GOLGA2: variants seen among roughly 807,000 people sequenced by gnomAD.
GOLGA2 encodes golgin subfamily A member 2.
Under a neutral mutation model 148.8 loss-of-function variants are expected in GOLGA2, and 49 were observed. The observed-to-expected ratio is 0.33, with a 90% CI of 0.26 to 0.42. GOLGA2 has a LOEUF of 0.42. GOLGA2 is among the 10% of genes least tolerant of loss of function. The pLI is 1.00. For synonymous variants in GOLGA2, 501 were observed against 511.8 expected (o/e 0.98, Z 0.28); for missense variants, 1,178 against 1,304.6 (o/e 0.90, Z 1.49).
rs201715961 is a variant in GOLGA2, at chr9:128,272,037, A to AT, written c.288+747dup. ...CCTACTCTTAAACCAAAGTGAATTAATTTAAAAAAAAAAAAAAAACACTAA... is the reference window on the plus strand; with the variant it reads ...CCTACTCTTAAACCAAAGTGAATTAATTTTAAAAAAAAAAAAAAAACACTAA... On this transcript the variant is annotated intron_variant, in intron 3 of 26. Transcript: ENST00000611957. Among the ~76,000 whole-genome samples, 5 of 144,342 alleles carry AT rather than the reference A, an allele frequency of 3.5e-5. No homozygotes were observed. In the East Asian group the frequency reaches 7.2e-4, roughly 21 times the overall value. 94.7% of individuals were successfully genotyped at this position (144,342 alleles called of 152,430 possible). A position where few individuals can be genotyped will look rare whatever the true frequency, so the allele number is the denominator to read the frequency against.
chr9:128,265,436 T>C, intron 12 of GOLGA2, 149 bp downstream of exon 12: 1 of 729,832 alleles, frequency 1.4e-6, no homozygotes. Context: ...AGCCCCAGGA[T>C]GCCTCTAGCA....
Position 128,261,329 on chromosome 9 carries a change from G to A in GOLGA2, c.1333-70C>T. ...GCTGGACAGGCTACCATCTCCCTCT[G>A]CCCCCACCGCCACAAAGCCCAGACC... On this transcript the variant is annotated intron_variant, in intron 16 of 26. Transcript: ENST00000611957. This position sits in a 1 kb window ranked among gnomAD's most constrained non-coding sequence, Gnocchi z 5.7. 7.6e-7 allele frequency: 1 copy of A among 1,323,554 alleles called. No homozygotes were observed. The highest frequency in any genetic ancestry group is 1.1e-6 in the Non-Finnish European group (1 of 916,764). The allele number at this position is 1,323,554 out of a possible 1,614,324, so 82.0% of individuals were successfully genotyped here.
chr9:128,257,519 G>C lies in GOLGA2; in HGVS notation c.2725C>G (p.Leu909Val). 6.2e-7 allele frequency: 1 copy of C among 1,614,064 alleles called. No homozygotes were observed. The highest frequency in any genetic ancestry group is 8.5e-7 in the Non-Finnish European group (1 of 1,180,028). Reference protein sequence around the residue: ...AQDKEEMKVKLLELQELVLRL... With the variant: ...AQDKEEMKVKVLELQELVLRL... The stretch of plus-strand genomic sequence containing the variant: ...AAGACCAGCTCCTGCAGCTCCAGCA[G>C]CTTCACCTGGAGGGAGGGGTGCTAA... The change falls in exon 26 of 27, where the codon CTG becomes GTG. Residue 909 changes from leucine (L) to valine (V), a missense_variant. By Grantham distance (32) the Leu-to-Val change is conservative. Coordinates refer to ENST00000611957, the MANE Select transcript of GOLGA2 (RefSeq NM_001366244.2). This position sits in a 1 kb window ranked among gnomAD's most constrained non-coding sequence, Gnocchi z 8.0.
chr9:128,261,154 A>C lies in GOLGA2; in HGVS notation c.1420+18T>G. The C allele has an allele frequency of 6.4e-7, 1 of 1,566,900 alleles. No individual in the cohort carries two copies. Among genetic ancestry groups the C allele is most frequent in the Non-Finnish European group, 8.8e-7 (1 of 1,137,270 alleles). On this transcript the variant is annotated intron_variant, in intron 17 of 26. Coordinates refer to ENST00000611957, the MANE Select transcript of GOLGA2 (RefSeq NM_001366244.2). This position sits in a 1 kb window ranked among gnomAD's most constrained non-coding sequence, Gnocchi z 5.7. The stretch of plus-strand genomic sequence containing the variant: ...CTGACACCATTCCTGCTCCCAGGTC[A>C]CCCCAGCCCCAGCTTACCCATCTGG...
rs749144673 is a variant in GOLGA2 at position 128,258,233 on chromosome 9, T to A, written c.2290-35A>T. On this transcript the variant is annotated intron_variant, in intron 22 of 26. Transcript: ENST00000611957. This position sits in a 1 kb window ranked among gnomAD's most constrained non-coding sequence, Gnocchi z 6.6. ...AGAGGGGTGCATTCTTGTAGGAGGATATATAGGATGAACAGGGCAGGGAGG... is the reference window on the plus strand; with the variant it reads ...AGAGGGGTGCATTCTTGTAGGAGGAAATATAGGATGAACAGGGCAGGGAGG... 1 of 1,491,280 alleles carries A rather than the reference T, an allele frequency of 6.7e-7. No homozygotes were observed. The highest frequency in any genetic ancestry group is 1.2e-5 in the South Asian group (1 of 83,682). The allele number at this position is 1,491,280 out of a possible 1,614,324, so 92.4% of individuals were successfully genotyped here.
At chr9:128,273,370 CA>C (rs1175612752) in intron 2 of GOLGA2, among the ~76,000 whole-genome samples, 15 of 152,186 alleles carry the variant, frequency 9.9e-5, no homozygotes, top group African/African-American at 2.9e-4. Flanking sequence ...AAGCTGGTGG[CA>C]AAGATGAACT....
chr9:128,275,729 T>A (rs1000666890), intron 1 of GOLGA2, among the ~76,000 whole-genome samples, 164 bp downstream of exon 1: 1 of 150,932 alleles, frequency 6.6e-6, no homozygotes, highest in Non-Finnish European at 1.5e-5. Flanking sequence ...GCTGGGCGGC[T>A]GAGGGGGCGG....
chr9:128,274,001 T>A, intron 1 of GOLGA2, 29 bp from the exon 2 acceptor site: 1 of 1,601,894 alleles, frequency 6.2e-7, no homozygotes, highest in Non-Finnish European at 8.5e-7. Flanking sequence ...ATAATATTCA[T>A]GAGATCTACA....
At position 128,258,235 on chromosome 9, in the gene GOLGA2, T is replaced by C. The variant is rs1447694127; in HGVS notation, c.2290-37A>G. On this transcript the variant is annotated intron_variant, in intron 22 of 26. Transcript: ENST00000611957. This position sits in a 1 kb window ranked among gnomAD's most constrained non-coding sequence, Gnocchi z 6.6. ...AGGGGTGCATTCTTGTAGGAGGATA[T>C]ATAGGATGAACAGGGCAGGGAGGTA... is the stretch of plus-strand genomic sequence containing the variant. 34 of 1,485,218 alleles carry C rather than the reference T, an allele frequency of 2.3e-5. No homozygotes were observed. The highest frequency in any genetic ancestry group is 3.9e-5 in the Admixed American group (2 of 51,744). 92.0% of individuals were successfully genotyped at this position (1,485,218 alleles called of 1,614,324 possible). A position where few individuals can be genotyped will look rare whatever the true frequency, so the allele number is the denominator to read the frequency against.
chr9:128,272,519 C>T (rs911558317), intron 3 of GOLGA2, among the ~76,000 whole-genome samples: 4 of 151,410 alleles, frequency 2.6e-5, no homozygotes, highest in Non-Finnish European at 5.9e-5. Flanking sequence ...AAATCCCACA[C>T]ACCTGCTCTA....
In GOLGA2 at chr9:128,258,437, A is replaced by C. The variant is rs1307333349; in HGVS notation, c.2289+18T>G. 2 of 1,597,748 alleles carry C rather than the reference A, an allele frequency of 1.3e-6. No homozygotes were observed. The highest frequency in any genetic ancestry group is 2.7e-5 in the African/African-American group (2 of 74,376). On this transcript the variant is annotated intron_variant, in intron 22 of 26. Coordinates refer to ENST00000611957, the MANE Select transcript of GOLGA2 (RefSeq NM_001366244.2). The surrounding 1 kb of genome is among the most constrained non-coding windows in gnomAD (Gnocchi z 6.6). ...CAGAGGGAGGCAGCAAAGGTTGGGG[A>C]GGGGGAGTCAGCCTCACCATGGCTT...
At position 128,260,029 on chromosome 9, in the gene GOLGA2, G is replaced by T; in HGVS notation, c.1872+47C>A. 1 of 1,357,348 alleles carries T rather than the reference G, an allele frequency of 7.4e-7. No individual in the cohort carries two copies. The allele number at this position is 1,357,348 out of a possible 1,614,324, so 84.1% of individuals were successfully genotyped here. A position where few individuals can be genotyped will look rare whatever the true frequency, so the allele number is the denominator to read the frequency against. On this transcript the variant is annotated intron_variant, in intron 19 of 26. Coordinates refer to ENST00000611957, the MANE Select transcript of GOLGA2 (RefSeq NM_001366244.2). The surrounding 1 kb of genome is among the most constrained non-coding windows in gnomAD (Gnocchi z 4.8). ...TCTGGCCTCACACCACCCCTCCCCA[G>T]AGGCTGGTGCCCGCCTCCCAGCCCT...
rs57184748 is a variant in GOLGA2, at chr9:128,269,135, T to C, written c.289-611A>G. 3.4e-3 allele frequency among the ~76,000 whole-genome samples: 525 copies of C among 152,226 alleles called. 7 individuals are homozygous for C. The highest frequency in any genetic ancestry group is 0.012 in the African/African-American group (490 of 41,542). On this transcript the variant is annotated intron_variant, in intron 3 of 26. Coordinates refer to ENST00000611957, the MANE Select transcript of GOLGA2 (RefSeq NM_001366244.2). ...CACTACCATGCTCAGCTAATTTCTA[T>C]AGAAACATGGTCTTGCCATCTTGCC...
Position 128,261,405 on chromosome 9 carries a change from T to G in GOLGA2, c.1332+49A>C. 2.4e-6 allele frequency: 3 copies of G among 1,265,712 alleles called. No homozygotes were observed. The South Asian group carries it at 3.6e-5, about 15-fold the overall frequency. 78.4% of individuals were successfully genotyped at this position (1,265,712 alleles called of 1,614,324 possible). On this transcript the variant is annotated intron_variant, in intron 16 of 26. Transcript: ENST00000611957. This position sits in a 1 kb window ranked among gnomAD's most constrained non-coding sequence, Gnocchi z 5.7. ...CCCATTTCGCAGATGCCCAGAAAGA[T>G]CAAGTGACCTATCTAAGGTTGAGGG...
At chr9:128,268,375 A>C (rs1439286767) in intron 4 of GOLGA2, 45 bp downstream of exon 4, 2 of 1,130,654 alleles carry the variant, frequency 1.8e-6, no homozygotes, top group Non-Finnish European at 1.4e-6. Context: ...GATAATGCAT[A>C]ATAGGTACAG....
At chr9:128,265,438 C>T (rs751630538) in intron 12 of GOLGA2, 147 bp downstream of exon 12, 12 of 735,072 alleles carry the variant, frequency 1.6e-5, no homozygotes, top group Non-Finnish European at 2.7e-5. Flanking sequence ...CCCCAGGATG[C>T]CTCTAGCAAC....
chr9:128,257,495 A>G lies in GOLGA2; in HGVS notation c.2749T>C (p.Leu917=), dbSNP rs1407234887. The G allele has an allele frequency of 1.2e-6, 2 of 1,613,958 alleles. No individual in the cohort carries two copies. Among genetic ancestry groups the G allele is most frequent in the East Asian group, 4.5e-5 (2 of 44,884 alleles). The change falls in exon 26 of 27, where the codon TTA becomes CTA. Residue 917 remains leucine (L), a synonymous_variant. Coordinates refer to ENST00000611957, the MANE Select transcript of GOLGA2 (RefSeq NM_001366244.2). The surrounding 1 kb of genome is among the most constrained non-coding windows in gnomAD (Gnocchi z 8.0). The part of the protein sequence containing the change: ...VKLLELQELV[L]RLVGDRNEWH... ...TCGTTGCGGTCGCCCACAAGCCGTA[A>G]GACCAGCTCCTGCAGCTCCAGCAGC... is the stretch of plus-strand genomic sequence containing the variant.
In GOLGA2 at chr9:128,266,166, T is replaced by A. The variant is rs1830583953; in HGVS notation, c.681+121A>T. On this transcript the variant is annotated intron_variant, in intron 9 of 26. Coordinates refer to ENST00000611957, the MANE Select transcript of GOLGA2 (RefSeq NM_001366244.2). The surrounding 1 kb of genome is among the most constrained non-coding windows in gnomAD (Gnocchi z 4.2). ...GGGACCCTGTGGGGATGGGGTGGAA[T>A]CTGGGGGGGTGAGCCTTCTTCCCCA... 2 of 1,368,022 alleles carry A rather than the reference T, an allele frequency of 1.5e-6. No homozygotes were observed. The highest frequency in any genetic ancestry group is 4.6e-5 in the East Asian group (2 of 43,712). The allele number at this position is 1,368,022 out of a possible 1,614,324, so 84.7% of individuals were successfully genotyped here.
At position 128,260,531 on chromosome 9, in the gene GOLGA2, G is replaced by A. The variant is rs773606768; in HGVS notation, c.1692C>T (p.Arg564=). Reference sequence around the variant, plus strand: ...TGAGCTCCCGGTTCTGGGAGAGTGCGCGGCTGATGGTAGTGCGGTCGTTCT... The same window carrying A: ...TGAGCTCCCGGTTCTGGGAGAGTGCACGGCTGATGGTAGTGCGGTCGTTCT... The part of the protein sequence containing the change: ...TMQNDRTTIS[R]ALSQNRELKE... Residue 564 remains arginine (R), a synonymous_variant, in exon 18 of 27, where the codon CGC becomes CGT. Transcript: ENST00000611957. This position sits in a 1 kb window ranked among gnomAD's most constrained non-coding sequence, Gnocchi z 4.8. The A allele has an allele frequency of 1.4e-5, 22 of 1,613,270 alleles. No individual in the cohort carries two copies. The highest frequency in any genetic ancestry group is 6.7e-5 in the East Asian group (3 of 44,892).
Sources: allele counts gnomAD v4.1 joint callset (sites outside exome capture counted in the v4.1 genomes callset), GRCh38; gene constraint gnomAD v4.1.1; non-coding constraint Gnocchi (gnomAD v3.1); transcripts MANE v1.5; gene names NCBI Gene and HGNC (gene_info 2026-07-23, HGNC 2026-07-21).